The following SLC5A5 variants were observed in gnomAD, a reference collection of about 807,000 sequenced individuals.
SLC5A5 encodes sodium/iodide cotransporter.
SLC5A5 carries 56 observed loss-of-function variants against 68.6 expected under a neutral mutation model. The observed-to-expected ratio is 0.82, with a 90% CI of 0.66 to 1.02. The LOEUF (loss-of-function observed/expected upper bound fraction) is 1.02. Among genes scored for constraint, SLC5A5 ranks in the 50% least tolerant of loss-of-function variants. SLC5A5 has a pLI of 0.00. For missense variants in SLC5A5, 807 were observed against 859.8 expected (o/e 0.94, Z 0.77); for synonymous variants, 398 against 373.0 (o/e 1.07, Z -0.77).
At chr19:17,889,967 C>T (rs2147753758) in intron 13 of SLC5A5, among the ~76,000 whole-genome samples, 1 of 152,332 alleles carries the variant, frequency 6.6e-6, no homozygotes, top group Non-Finnish European at 1.5e-5. Flanking sequence ...AGGCCTTTAT[C>T]GAGTCCTCCT....
chr19:17,873,226 C>G (rs2094298646), intron 1 of SLC5A5, among the ~76,000 whole-genome samples: 1 of 152,038 alleles, frequency 6.6e-6, no homozygotes, highest in African/African-American at 2.4e-5. Context: ...TTTGGGAGGC[C>G]AAAGCATGCA....
At chr19:17,876,521 A>C (rs1252728042) in intron 5 of SLC5A5, among the ~76,000 whole-genome samples, 1 of 151,984 alleles carries the variant, frequency 6.6e-6, no homozygotes, top group East Asian at 1.9e-4. Context: ...TGAGGTCAGG[A>C]ATTTGAGACC....
At position 17,877,837 on chromosome 19, in the gene SLC5A5, T is replaced by G; in HGVS notation, c.813T>G (p.Ala271=). Residue 271 remains alanine, a synonymous_variant, in exon 6 of 15, where the codon GCT becomes GCG. Coordinates refer to ENST00000222248, the MANE Select transcript of SLC5A5 (RefSeq NM_000453.3). ...VNQAQVQRYV[A]CRTEKQAKLA... The stretch of plus-strand genomic sequence containing the variant: ...AGGCGCAGGTGCAGCGCTACGTGGC[T>G]TGCCGCACAGAGAAGCAGGCCAAGC... 1 of 1,614,238 alleles carries G rather than the reference T, an allele frequency of 6.2e-7. No individual in the cohort carries two copies. Among genetic ancestry groups the G allele is most frequent in the Non-Finnish European group, 8.5e-7 (1 of 1,180,038 alleles).
rs113528103 is a variant in SLC5A5 at position 17,883,522 on chromosome 19, A to AGC, written c.1243-158_1243-157insCG. Among the ~76,000 whole-genome samples the AGC allele has an allele frequency of 0.15, 21,359 of 143,052 alleles. 1,906 individuals are homozygous for AGC. Among genetic ancestry groups the AGC allele is most frequent in the Non-Finnish European group, 0.2 (12,969 of 65,174 alleles). The allele number at this position is 143,052 out of a possible 152,430, so 93.8% of individuals were successfully genotyped here. ...AACCCAAGGGAGATAGGCAGGAACA[A>AGC]GGGGGGGGGGTCCTCTCCCCTTTAG... is the stretch of plus-strand genomic sequence containing the variant. On this transcript the variant is annotated intron_variant, in intron 10 of 14. Transcript: ENST00000222248.
In SLC5A5 at chr19:17,872,218, T is replaced by TACCCCCCCC; in HGVS notation, c.-102_-101insACCCCCCCC. On this transcript the variant is annotated 5_prime_UTR_variant, in exon 1 of 15. Coordinates refer to ENST00000222248, the MANE Select transcript of SLC5A5 (RefSeq NM_000453.3). The stretch of plus-strand genomic sequence containing the variant: ...AGCGGGGACAGGCTGCCGAGCATCC[T>TACCCCCCCC]CCCACCCGCCCTCCCCGTCCTGCCT... 6.6e-6 allele frequency: 3 copies of TACCCCCCCC among 456,252 alleles called. No individual in the cohort carries two copies. Among genetic ancestry groups the TACCCCCCCC allele is most frequent in the Non-Finnish European group, 8.4e-6 (2 of 238,854 alleles). 28.3% of individuals were successfully genotyped at this position (456,252 alleles called of 1,614,324 possible). A position where few individuals can be genotyped will look rare whatever the true frequency, so the allele number is the denominator to read the frequency against.
intron 7 of SLC5A5, among the ~76,000 whole-genome samples, chr19:17,878,972 C>T (rs1443665107): frequency 2.1e-5 from 2 of 95,858 alleles, no homozygotes; most frequent in Non-Finnish European, 4.2e-5. Flanking sequence ...GAGACTCCAT[C>T]TCAAAAAAAA....
chr19:17,875,841 C>G (rs922498582), intron 4 of SLC5A5, 111 bp from the exon 5 acceptor site: 1 of 901,048 alleles, frequency 1.1e-6, no homozygotes, highest in Non-Finnish European at 1.8e-6. Flanking sequence ...TTATTAATCC[C>G]ACTTTAGAGA....
At chr19:17,883,526 G>GC (rs900116178) in intron 10 of SLC5A5, among the ~76,000 whole-genome samples, 155 bp from the exon 11 acceptor site, 1 of 152,000 alleles carries the variant, frequency 6.6e-6, no homozygotes, top group Non-Finnish European at 1.5e-5. Context: ...GGAACAAGGG[G>GC]GGGGGGTCCT....
At position 17,874,391 on chromosome 19, in the gene SLC5A5, A is replaced by G. The variant is rs374255849; in HGVS notation, c.424-103A>G. The G allele has an allele frequency of 4.9e-5, 60 of 1,226,064 alleles. No homozygotes were observed. The East Asian group carries it at 6.1e-4, about 12-fold the overall frequency. 75.9% of individuals were successfully genotyped at this position (1,226,064 alleles called of 1,614,324 possible). A position where few individuals can be genotyped will look rare whatever the true frequency, so the allele number is the denominator to read the frequency against. On this transcript the variant is annotated intron_variant, in intron 2 of 14. Transcript: ENST00000222248. ...GCCTGCACTCTGGAAGACCCGGCCT[A>G]TCTGCCCCGCCCATATTCTGGGACC...
chr19:17,892,716 C>T (rs369889053), intron 14 of SLC5A5, among the ~76,000 whole-genome samples: 1 of 125,892 alleles, frequency 7.9e-6, no homozygotes, highest in Non-Finnish European at 1.7e-5. Context: ...AAAAGAAAAA[C>T]GTGTAGGGTC....
At chr19:17,874,792 G>A in intron 4 of SLC5A5, 61 bp downstream of exon 4, 1 of 1,522,198 alleles carries the variant, frequency 6.6e-7, no homozygotes, top group Non-Finnish European at 9.1e-7. Context: ...CTCTTGTGGG[G>A]AGACTCTGGG....
chr19:17,884,976 G>A (rs893172303), intron 12 of SLC5A5, among the ~76,000 whole-genome samples: 2 of 150,766 alleles, frequency 1.3e-5, no homozygotes, highest in Non-Finnish European at 2.9e-5. Context: ...TTACAGGTGT[G>A]AGCCACTGTG....
rs773433041 is a variant in SLC5A5, at chr19:17,883,951, A to G, written c.1431A>G (p.Pro477=). ...GCGAGCAGACCATGAGGGTCCTGCC[A>G]TCGTCGGCTGCCCGCTGCGTGGCTC... ...PPSEQTMRVL[P]SSAARCVALS... The change falls in exon 12 of 15, where the codon CCA becomes CCG. Residue 477 remains proline (P), a synonymous_variant. Coordinates refer to ENST00000222248, the MANE Select transcript of SLC5A5 (RefSeq NM_000453.3). The G allele has an allele frequency of 5.4e-5, 84 of 1,563,366 alleles. No homozygotes were observed. In the South Asian group the frequency reaches 9.1e-4, roughly 17 times the overall value.
At chr19:17,878,242 A>C in intron 7 of SLC5A5, 149 bp downstream of exon 7, 2 of 946,732 alleles carry the variant, frequency 2.1e-6, no homozygotes, top group Non-Finnish European at 3.3e-6. Context: ...GCGGCGGCTC[A>C]TGCCTGTATC....
In SLC5A5 at chr19:17,890,939, C is replaced by T. The variant is rs201835225; in HGVS notation, c.1705C>T (p.Arg569Trp). 194 of 1,614,096 alleles carry T rather than the reference C, an allele frequency of 1.2e-4. No individual in the cohort carries two copies. Among genetic ancestry groups the T allele is most frequent in the Admixed American group, 1.2e-3 (71 of 59,994 alleles). Residue 569 changes from arginine to tryptophan, a missense_variant, in exon 14 of 15, where the codon CGG (arginine) becomes TGG (tryptophan). Transcript: ENST00000222248. ...APGLLWWDLARQTASVAPKEE... is the reference protein window; with the variant it reads ...APGLLWWDLAWQTASVAPKEE... ...GGGATTGTTGTGGTGGGACCTCGCA[C>T]GGCAGACAGCATCAGTGGCCCCCAA...
Position 17,895,127 on chromosome 19 carries a change from T to A in SLC5A5, c.*1250T>A, listed in dbSNP as rs530435123. On this transcript the variant is annotated 3_prime_UTR_variant, in exon 15 of 15. Coordinates refer to ENST00000222248, the MANE Select transcript of SLC5A5 (RefSeq NM_000453.3). Reference sequence around the variant, plus strand: ...CCTACTGACACCTTGATGTCAGACTTCTGGCTGCTAGAACTGTCAGAGAAT... The same window carrying A: ...CCTACTGACACCTTGATGTCAGACTACTGGCTGCTAGAACTGTCAGAGAAT... 1 of 151,752 alleles carries A rather than the reference T, an allele frequency of 6.6e-6. No homozygotes were observed. The highest frequency in any genetic ancestry group is 2.1e-4 in the South Asian group (1 of 4,806). 9.4% of individuals were successfully genotyped at this position (151,752 alleles called of 1,614,324 possible).
Position 17,886,443 on chromosome 19 carries a change from G to T in SLC5A5, c.1527-1888G>T, listed in dbSNP as rs2029922625. On this transcript the variant is annotated intron_variant, in intron 12 of 14. Coordinates refer to ENST00000222248, the MANE Select transcript of SLC5A5 (RefSeq NM_000453.3). ...CCGCTTCAGCCTCCCGAGTAGCTGG[G>T]ACTACAGGCATATGCCACCACGCCT... Among the ~76,000 whole-genome samples, 5 of 152,024 alleles carry T rather than the reference G, an allele frequency of 3.3e-5. No homozygotes were observed. In the South Asian group the frequency reaches 1.0e-3, roughly 32 times the overall value.
intron 14 of SLC5A5, among the ~76,000 whole-genome samples, chr19:17,891,867 T>C (rs914570538): frequency 2.6e-5 from 4 of 152,166 alleles, no homozygotes; most frequent in African/African-American, 7.2e-5. Flanking sequence ...GAGCACCTGC[T>C]GTGTACCCAG....
chr19:17,881,084 G>C, intron 8 of SLC5A5, 131 bp downstream of exon 8: 1 of 760,368 alleles, frequency 1.3e-6, no homozygotes, highest in Non-Finnish European at 2.3e-6. Flanking sequence ...TTGATCCCTA[G>C]AAGACAGCTC....
Sources: allele counts gnomAD v4.1 joint callset (sites outside exome capture counted in the v4.1 genomes callset), GRCh38; gene constraint gnomAD v4.1.1; transcripts MANE v1.5; gene names NCBI Gene and HGNC (gene_info 2026-07-23, HGNC 2026-07-21).